NUP133: variants seen among roughly 807,000 people sequenced by gnomAD.
NUP133 encodes nucleoporin 133, also known as nuclear pore complex protein Nup133.
NUP133 carries 66 observed loss-of-function variants against 146.2 expected under a neutral mutation model. The ratio of observed to expected loss-of-function variants is 0.45; its 90% CI spans 0.37 to 0.55. The LOEUF (loss-of-function observed/expected upper bound fraction) is 0.55. Ranked by LOEUF, NUP133 falls within the 20% of genes least tolerant of loss-of-function variation. NUP133 has a pLI of 0.00. For missense variants in NUP133, 1,277 were observed against 1,374.8 expected, an observed-to-expected ratio of 0.93 and a Z score of 1.12; for synonymous variants, 521 against 498.8, an observed-to-expected ratio of 1.04 and a Z score of -0.59.
At chr1:229,446,386 G>C (rs939305332) in intron 24 of NUP133, among the ~76,000 whole-genome samples, 5 of 152,110 alleles carry the variant, frequency 3.3e-5, no homozygotes, top group African/African-American at 1.2e-4. Flanking sequence ...TCCAGCCTAG[G>C]TGACAGAGTG....
chr1:229,504,631 T>C (rs1433765171), intron 2 of NUP133, among the ~76,000 whole-genome samples: 1 of 152,236 alleles, frequency 6.6e-6, no homozygotes, highest in Non-Finnish European at 1.5e-5. Context: ...TTGATTTTAC[T>C]GTATTATTAA....
rs368527978 is a variant in NUP133, at chr1:229,499,779, G to A, written c.553C>T (p.Arg185Cys). The change falls in exon 5 of 26, where the codon CGC (arginine) becomes TGC (cysteine). Residue 185 changes from arginine to cysteine, a missense_variant. Arg to Cys is a radical substitution (Grantham distance 180). Coordinates refer to ENST00000261396, the MANE Select transcript of NUP133 (RefSeq NM_018230.3). ...VMVATREGSIRYWPSLAGEDT... is the reference protein window; with the variant it reads ...VMVATREGSICYWPSLAGEDT... ...TCACCAGCAAGGCTTGGCCAATAGCGGATAGATCCTTCTCTGGTGGCAACC... is the reference window on the plus strand; with the variant it reads ...TCACCAGCAAGGCTTGGCCAATAGCAGATAGATCCTTCTCTGGTGGCAACC... 34 of 1,613,758 alleles carry A rather than the reference G, an allele frequency of 2.1e-5. No homozygotes were observed. The highest frequency in any genetic ancestry group is 1.6e-4 in the African/African-American group (12 of 74,880).
chr1:229,497,934 A>G (rs1445727105), intron 6 of NUP133, among the ~76,000 whole-genome samples: 1 of 152,260 alleles, frequency 6.6e-6, no homozygotes, highest in Non-Finnish European at 1.5e-5. Flanking sequence ...TGTCTGATTT[A>G]AAGATTTTAG....
At chr1:229,499,136 G>T (rs1661733217) in intron 5 of NUP133, 1 of 465,286 alleles carries the variant, frequency 2.1e-6, no homozygotes, top group East Asian at 7.0e-5. Context: ...CTGGCCTCAG[G>T]CAATCCTTCC....
At chr1:229,444,354 C>G (rs894122203) in intron 25 of NUP133, among the ~76,000 whole-genome samples, 2 of 151,704 alleles carry the variant, frequency 1.3e-5, no homozygotes, top group African/African-American at 4.8e-5. Flanking sequence ...AAAAAAGTTT[C>G]CACTGTTCTT....
intron 19 of NUP133, among the ~76,000 whole-genome samples, chr1:229,461,769 A>G (rs894861238): frequency 4.6e-5 from 7 of 152,250 alleles, no homozygotes; most frequent in African/African-American, 1.7e-4. Flanking sequence ...AAAAAATGCA[A>G]AAATGCATGA....
At chr1:229,471,125 G>A (rs1037393184) in intron 14 of NUP133, among the ~76,000 whole-genome samples, 9 of 151,976 alleles carry the variant, frequency 5.9e-5, no homozygotes, top group Non-Finnish European at 8.8e-5. Context: ...TGCTCTTTTC[G>A]TCTTTTTTGA....
At chr1:229,500,609 ATG>A (rs1167962755) in intron 4 of NUP133, 145 bp downstream of exon 4, 4 of 535,842 alleles carry the variant, frequency 7.5e-6, no homozygotes, top group Non-Finnish European at 1.3e-5. Flanking sequence ...ACACTGACCT[ATG>A]TGTGTAGCTC....
intron 16 of NUP133, 89 bp downstream of exon 16, chr1:229,466,545 G>T: frequency 7.2e-7 from 1 of 1,395,122 alleles, no homozygotes; most frequent in Non-Finnish European, 1.0e-6. Flanking sequence ...TACATTATCG[G>T]CAATACAGAG....
intron 12 of NUP133, among the ~76,000 whole-genome samples, chr1:229,479,345 C>T (rs560500260): frequency 6.6e-5 from 10 of 152,332 alleles, no homozygotes; most frequent in African/African-American, 2.4e-4. Context: ...TAGACCCACA[C>T]AGTTCAAAGC....
At chr1:229,447,579 C>T (rs984425818) in intron 24 of NUP133, among the ~76,000 whole-genome samples, 3 of 152,030 alleles carry the variant, frequency 2.0e-5, no homozygotes, top group Non-Finnish European at 2.9e-5. Context: ...GACTTTTCAG[C>T]CCTGTTCCTC....
intron 19 of NUP133, among the ~76,000 whole-genome samples, chr1:229,462,645 C>A (rs576275485): frequency 6.6e-6 from 1 of 152,104 alleles, no homozygotes; most frequent in African/African-American, 2.4e-5. Flanking sequence ...CTGGCCTTGA[C>A]CTCCTGGGCT....
intron 12 of NUP133, among the ~76,000 whole-genome samples, chr1:229,479,097 ACT>A (rs1222209656): frequency 7.2e-5 from 11 of 152,086 alleles, no homozygotes; most frequent in Admixed American, 7.2e-4. Context: ...GACCAACCAC[ACT>A]CACATATTTT....
chr1:229,463,724 A>C, intron 18 of NUP133, 48 bp from the exon 19 acceptor site: 1 of 1,531,656 alleles, frequency 6.5e-7, no homozygotes, highest in Non-Finnish European at 8.8e-7. Context: ...GCAAAACTTA[A>C]AATCTGTAAT....
In NUP133 at chr1:229,445,108, G is replaced by T. The variant is rs928295714; in HGVS notation, c.3246-106C>A. The T allele has an allele frequency of 5.0e-6, 4 of 799,436 alleles. No homozygotes were observed. In the African/African-American group the frequency reaches 5.2e-5, roughly 10 times the overall value. 49.5% of individuals were successfully genotyped at this position (799,436 alleles called of 1,614,324 possible). A position where few individuals can be genotyped will look rare whatever the true frequency, so the allele number is the denominator to read the frequency against. On this transcript the variant is annotated intron_variant, in intron 24 of 25. Transcript: ENST00000261396. ...TATTTTGATGGCTGTGGGGGATGGAGAATCTGAGTTTTGTGATACTGTTTC... is the reference window on the plus strand; with the variant it reads ...TATTTTGATGGCTGTGGGGGATGGATAATCTGAGTTTTGTGATACTGTTTC...
At chr1:229,462,790 G>GA (rs1660722747) in intron 19 of NUP133, among the ~76,000 whole-genome samples, 1 of 152,176 alleles carries the variant, frequency 6.6e-6, no homozygotes, top group Admixed American at 6.5e-5. Context: ...GGCCTCAAGT[G>GA]ATCCTACCGC....
intron 5 of NUP133, among the ~76,000 whole-genome samples, chr1:229,498,908 A>AT (rs1048194349): frequency 4.0e-5 from 6 of 151,744 alleles, no homozygotes. Flanking sequence ...TTGCTATTTT[A>AT]TTTTTTTAGA....
At chr1:229,498,763 G>GAA (rs536811534) in intron 5 of NUP133, among the ~76,000 whole-genome samples, 5 of 96,340 alleles carry the variant, frequency 5.2e-5, no homozygotes, top group African/African-American at 1.5e-4. Context: ...CTCGAAAAAA[G>GAA]AAAAAAAAAA....
intron 8 of NUP133, among the ~76,000 whole-genome samples, chr1:229,494,976 G>A (rs1197730742): frequency 6.6e-6 from 1 of 152,152 alleles, no homozygotes; most frequent in East Asian, 1.9e-4. Flanking sequence ...AGACACGAAG[G>A]TAAGAATATA....
Sources: allele counts gnomAD v4.1 joint callset (sites outside exome capture counted in the v4.1 genomes callset), GRCh38; gene constraint gnomAD v4.1.1; transcripts MANE v1.5; gene names NCBI Gene and HGNC (gene_info 2026-07-23, HGNC 2026-07-21).